Variants in ERC2 observed in about 807,000 individuals in gnomAD.
The protein encoded by ERC2 is ELKS/RAB6-interacting/CAST family member 2.
In ERC2, 42 loss-of-function variants were observed where a neutral mutation model predicts 114.8. That is an observed-to-expected ratio of 0.37 (90% CI 0.29 to 0.47). The LOEUF is 0.47. Among genes scored for constraint, ERC2 ranks in the 20% least tolerant of loss-of-function variants. The pLI is 0.99. For missense variants in ERC2, 939 were observed against 1,150.7 expected, an observed-to-expected ratio of 0.82 and a Z score of 2.66; for synonymous variants, 454 against 425.5, an observed-to-expected ratio of 1.07 and a Z score of -0.82.
At chr3:55,806,692 A>T (rs1219225690) in intron 14 of ERC2, among the ~76,000 whole-genome samples, 1 of 152,154 alleles carries the variant, frequency 6.6e-6, no homozygotes, top group Non-Finnish European at 1.5e-5. Context: ...CCCTACAACA[A>T]AGAATTGTCC....
intron 3 of ERC2, among the ~76,000 whole-genome samples, chr3:56,179,496 C>A (rs1351983038): frequency 6.6e-6 from 1 of 151,978 alleles, no homozygotes; most frequent in East Asian, 1.9e-4. Context: ...TAAGGACAGA[C>A]CCATCAGAGC....
intron 2 of ERC2, among the ~76,000 whole-genome samples, chr3:56,377,531 C>A (rs2059589941): frequency 6.6e-6 from 1 of 152,142 alleles, no homozygotes; most frequent in Non-Finnish European, 1.5e-5. Flanking sequence ...TTCTTAAGCA[C>A]CATGTAGAAA....
At chr3:55,934,489 A>C (rs2066316505) in intron 13 of ERC2, among the ~76,000 whole-genome samples, 1 of 152,180 alleles carries the variant, frequency 6.6e-6, no homozygotes, top group Non-Finnish European at 1.5e-5. Flanking sequence ...CCCCATTTTA[A>C]AGATAAGAAA....
chr3:56,176,718 C>T (rs2082997994), intron 3 of ERC2, among the ~76,000 whole-genome samples: 1 of 152,144 alleles, frequency 6.6e-6, no homozygotes, highest in East Asian at 1.9e-4. Flanking sequence ...AAAATCCCAT[C>T]TCAAACACTT....
In ERC2 at chr3:56,203,360, G is replaced by C. The variant is rs566626162; in HGVS notation, c.1075-29840C>G. On this transcript the variant is annotated intron_variant, in intron 3 of 17. Transcript: ENST00000288221. ...TTTTTCGTCCACTTTTGTAGTTCGT[G>C]ACCTTTGGCTTAAAAGGGGTACAAT... 5.9e-5 allele frequency among the ~76,000 whole-genome samples: 9 copies of C among 152,264 alleles called. No individual in the cohort carries two copies. The South Asian group carries it at 1.7e-3, about 28-fold the overall frequency.
intron 3 of ERC2, among the ~76,000 whole-genome samples, chr3:56,283,781 T>A (rs1342444089): frequency 6.6e-6 from 1 of 152,160 alleles, no homozygotes; most frequent in Non-Finnish European, 1.5e-5. Context: ...GAGAAATATT[T>A]TTAAGGCTGG....
Position 55,974,245 on chromosome 3 carries a change from G to A in ERC2, c.2267+11732C>T, listed in dbSNP as rs542817228. On this transcript the variant is annotated intron_variant, in intron 12 of 17. Coordinates refer to ENST00000288221, the MANE Select transcript of ERC2 (RefSeq NM_015576.3). ...CCTGACATAACGATGAGGAAGGAAC[G>A]ATTCCACAGTGTGATTACTAGCCGG... Among the ~76,000 whole-genome samples the A allele has an allele frequency of 2.0e-5, 3 of 152,314 alleles. No individual in the cohort carries two copies. The Middle Eastern group carries it at 0.01, about 518-fold the overall frequency.
intron 6 of ERC2, among the ~76,000 whole-genome samples, chr3:56,093,316 C>T (rs2077892242): frequency 6.6e-6 from 1 of 152,276 alleles, no homozygotes; most frequent in East Asian, 1.9e-4. Context: ...TCTCTCCTTG[C>T]TAATAGATTT....
At chr3:56,436,402 T>C (rs2062019599) in intron 1 of ERC2, among the ~76,000 whole-genome samples, 1 of 152,196 alleles carries the variant, frequency 6.6e-6, no homozygotes, top group Admixed American at 6.5e-5. Context: ...TGAAGGTAAG[T>C]GTCTCAATGA....
chr3:56,387,789 C>T (rs2059987874), intron 2 of ERC2, among the ~76,000 whole-genome samples: 1 of 152,094 alleles, frequency 6.6e-6, no homozygotes, highest in South Asian at 2.1e-4. Context: ...ATGACCCAGC[C>T]ATCAATGCTA....
intron 15 of ERC2, among the ~76,000 whole-genome samples, chr3:55,722,131 A>C (rs1254589084): frequency 1.3e-5 from 2 of 152,134 alleles, no homozygotes; most frequent in Non-Finnish European, 2.9e-5. Flanking sequence ...GCTGTGTCAA[A>C]GATCATTTGA....
At chr3:56,334,930 A>G (rs2057784461) in intron 2 of ERC2, among the ~76,000 whole-genome samples, 1 of 152,128 alleles carries the variant, frequency 6.6e-6, no homozygotes, top group Admixed American at 6.5e-5. Flanking sequence ...TCAGTCTCCC[A>G]AGTAGCTGGG....
chr3:55,554,697 G>A (rs2055472896), intron 17 of ERC2, among the ~76,000 whole-genome samples: 1 of 152,142 alleles, frequency 6.6e-6, no homozygotes, highest in African/African-American at 2.4e-5. Flanking sequence ...CTTCCCAGGG[G>A]GCTGGGTTCC....
chr3:56,327,743 T>TACCC (rs373687177), intron 2 of ERC2, among the ~76,000 whole-genome samples: 1 of 152,124 alleles, frequency 6.6e-6, no homozygotes, highest in East Asian at 1.9e-4. Flanking sequence ...AACAGAGACC[T>TACCC]CCCTTCTGAA....
At chr3:56,188,020 A>G (rs1413171526) in intron 3 of ERC2, among the ~76,000 whole-genome samples, 2 of 152,128 alleles carry the variant, frequency 1.3e-5, no homozygotes, top group African/African-American at 2.4e-5. Context: ...GGCAGAGGGA[A>G]CAGGAAGAGG....
chr3:56,464,891 A>T (rs997892029), intron 1 of ERC2, among the ~76,000 whole-genome samples: 7 of 152,170 alleles, frequency 4.6e-5, no homozygotes, highest in African/African-American at 1.7e-4. Context: ...AAAAAGAAAA[A>T]AAAAAAGGCT....
At chr3:55,960,856 C>T (rs565161877) in intron 12 of ERC2, among the ~76,000 whole-genome samples, 2 of 152,364 alleles carry the variant, frequency 1.3e-5, no homozygotes, top group African/African-American at 4.8e-5. Context: ...ATGTGTTGGC[C>T]GGGCATGGTG....
chr3:56,065,518 CTT>C (rs374218856), intron 7 of ERC2, among the ~76,000 whole-genome samples: 39 of 134,378 alleles, frequency 2.9e-4, no homozygotes, highest in Middle Eastern at 4.0e-3. Context: ...GGACTACTTT[CTT>C]TTTTAAAAAA....
chr3:55,991,769 A>G (rs2071074194), intron 11 of ERC2, among the ~76,000 whole-genome samples: 1 of 152,206 alleles, frequency 6.6e-6, no homozygotes, highest in African/African-American at 2.4e-5. Context: ...CAAAGCCCCA[A>G]TTTCTTACAC....
Sources: gnomAD v4.1 joint callset for allele counts (sites outside exome capture counted in the v4.1 genomes callset) on GRCh38, gnomAD v4.1.1 for gene constraint, MANE v1.5 for transcripts, NCBI Gene and HGNC (gene_info 2026-07-23, HGNC 2026-07-21) for gene names.